The following ZNF704 variants were observed in gnomAD, a reference collection of about 807,000 sequenced individuals.
ZNF704 encodes glucocorticoid induced gene 1.
Under a neutral mutation model 44.7 loss-of-function variants are expected in ZNF704, and 10 were observed. The ratio of observed to expected loss-of-function variants is 0.22; its 90% CI spans 0.14 to 0.38. The LOEUF is 0.38. Among genes scored for constraint, ZNF704 ranks in the 10% least tolerant of loss-of-function variants. The pLI is 1.00. For synonymous variants in ZNF704, 211 were observed against 207.6 expected (o/e 1.02, Z -0.14); for missense variants, 390 against 545.5 (o/e 0.71, Z 2.84).
chr8:80,823,639 C>A (rs1403318734), intron 1 of ZNF704, among the ~76,000 whole-genome samples: 1 of 152,200 alleles, frequency 6.6e-6, no homozygotes, highest in Non-Finnish European at 1.5e-5. Context: ...GGGTCCCTGA[C>A]CACCGAGTAG....
intron 7 of ZNF704, among the ~76,000 whole-genome samples, chr8:80,651,812 T>C (rs1585923698): frequency 2.0e-5 from 3 of 152,052 alleles, no homozygotes; most frequent in Non-Finnish European, 4.4e-5. Context: ...CTGCACCAAG[T>C]GGACCTAATA....
At chr8:80,786,138 C>T (rs981287404) in intron 2 of ZNF704, among the ~76,000 whole-genome samples, 7 of 152,120 alleles carry the variant, frequency 4.6e-5, no homozygotes, top group Non-Finnish European at 7.4e-5. Context: ...TGACATACAC[C>T]TGTAGTTCCA....
chr8:80,651,717 G>T (rs1448495359), intron 7 of ZNF704, among the ~76,000 whole-genome samples: 1 of 152,100 alleles, frequency 6.6e-6, no homozygotes, highest in Non-Finnish European at 1.5e-5. Context: ...CAATAATAAT[G>T]GGAGACTTTA....
chr8:80,826,946 T>C (rs555317712), intron 1 of ZNF704, among the ~76,000 whole-genome samples: 1 of 152,304 alleles, frequency 6.6e-6, no homozygotes, highest in South Asian at 2.1e-4. Context: ...GAGCTATTTA[T>C]GACAAACCCA....
At chr8:80,830,862 A>G (rs1218735884) in intron 1 of ZNF704, among the ~76,000 whole-genome samples, 1 of 150,266 alleles carries the variant, frequency 6.7e-6, no homozygotes, top group Non-Finnish European at 1.5e-5. Context: ...GGTTCAAGCA[A>G]TTCTCCTGCC....
Position 80,682,597 on chromosome 8 carries a change from G to A in ZNF704, c.558+4629C>T, listed in dbSNP as rs770924578. 6.6e-5 allele frequency among the ~76,000 whole-genome samples: 10 copies of A among 152,280 alleles called. No individual in the cohort carries two copies. The East Asian group carries it at 1.2e-3, about 18-fold the overall frequency. ...TGAGCACAGGGTGGCTGAGGGATCTGGAGTTATCCTGAGCCACTGTGGCAT... is the reference window on the plus strand; with the variant it reads ...TGAGCACAGGGTGGCTGAGGGATCTAGAGTTATCCTGAGCCACTGTGGCAT... On this transcript the variant is annotated intron_variant, in intron 4 of 8. Coordinates refer to ENST00000327835, the MANE Select transcript of ZNF704 (RefSeq NM_001033723.3).
chr8:80,830,354 A>G (rs1166912044), intron 1 of ZNF704, among the ~76,000 whole-genome samples: 1 of 152,252 alleles, frequency 6.6e-6, no homozygotes, highest in Non-Finnish European at 1.5e-5. Flanking sequence ...TGGAACCTAC[A>G]TTAGCTTAAC....
intron 2 of ZNF704, among the ~76,000 whole-genome samples, chr8:80,734,908 T>C (rs1015407364): frequency 6.6e-6 from 1 of 152,164 alleles, no homozygotes; most frequent in African/African-American, 2.4e-5. Flanking sequence ...GTTTCTTAAT[T>C]TTCTCTATTA....
intron 2 of ZNF704, among the ~76,000 whole-genome samples, chr8:80,715,429 C>A (rs1819057879): frequency 6.6e-6 from 1 of 152,210 alleles, no homozygotes; most frequent in Admixed American, 6.5e-5. Flanking sequence ...CTGGCAGCAA[C>A]TTATTTATGG....
intron 2 of ZNF704, among the ~76,000 whole-genome samples, chr8:80,767,973 T>C (rs1263830425): frequency 6.6e-6 from 1 of 152,190 alleles, no homozygotes; most frequent in Non-Finnish European, 1.5e-5. Flanking sequence ...TTAGTTCACT[T>C]GAAATCTCTA....
At chr8:80,725,871 C>T (rs1431246725) in intron 2 of ZNF704, among the ~76,000 whole-genome samples, 1 of 151,982 alleles carries the variant, frequency 6.6e-6, no homozygotes, top group African/African-American at 2.4e-5. Flanking sequence ...GCAGGAACAG[C>T]TTAAAAGTAA....
intron 1 of ZNF704, among the ~76,000 whole-genome samples, chr8:80,873,030 G>A (rs939487729): frequency 2.0e-5 from 3 of 152,136 alleles, no homozygotes; most frequent in African/African-American, 7.2e-5. Context: ...CGCCTGTGAT[G>A]GAAACTCATC....
intron 2 of ZNF704, among the ~76,000 whole-genome samples, chr8:80,741,918 T>C (rs1156583061): frequency 5.3e-5 from 8 of 152,138 alleles, no homozygotes; most frequent in Non-Finnish European, 7.4e-5. Context: ...GCAAAACTAA[T>C]AGCCCTCACT....
At chr8:80,823,520 C>G (rs546587719) in intron 1 of ZNF704, among the ~76,000 whole-genome samples, 1 of 152,226 alleles carries the variant, frequency 6.6e-6, no homozygotes, top group Non-Finnish European at 1.5e-5. Flanking sequence ...CAAAAGGCAG[C>G]AGCAACTTCT....
intron 2 of ZNF704, among the ~76,000 whole-genome samples, chr8:80,749,060 T>C (rs1273378294): frequency 6.6e-6 from 1 of 152,082 alleles, no homozygotes; most frequent in African/African-American, 2.4e-5. Context: ...GTGATGTGAG[T>C]TCAGCCCCTG....
intron 1 of ZNF704, among the ~76,000 whole-genome samples, chr8:80,870,483 T>G (rs1480987722): frequency 6.6e-6 from 1 of 152,226 alleles, no homozygotes; most frequent in Non-Finnish European, 1.5e-5. Flanking sequence ...TTCCATCTTA[T>G]CTAATCCAAA....
At chr8:80,850,157 G>T (rs536547864) in intron 1 of ZNF704, among the ~76,000 whole-genome samples, 3 of 151,958 alleles carry the variant, frequency 2.0e-5, no homozygotes, top group South Asian at 4.2e-4. Flanking sequence ...TTATATTATG[G>T]TTCATTTTAA....
At chr8:80,651,878 C>T (rs1372072310) in intron 7 of ZNF704, among the ~76,000 whole-genome samples, 1 of 152,148 alleles carries the variant, frequency 6.6e-6, no homozygotes, top group Admixed American at 6.5e-5. Context: ...TTCTCAGCAC[C>T]ACACCACACC....
At chr8:80,686,259 G>A (rs1442623065) in intron 4 of ZNF704, among the ~76,000 whole-genome samples, 3 of 152,180 alleles carry the variant, frequency 2.0e-5, no homozygotes, top group Non-Finnish European at 4.4e-5. Context: ...CTGATCCTCA[G>A]TTTCCTCATA....
Sources: allele counts gnomAD v4.1 joint callset (sites outside exome capture counted in the v4.1 genomes callset), GRCh38; gene constraint gnomAD v4.1.1; transcripts MANE v1.5; gene names NCBI Gene and HGNC (gene_info 2026-07-23, HGNC 2026-07-21).